HEPHL1: variants seen among roughly 807,000 people sequenced by gnomAD.
HEPHL1 encodes ferroxidase HEPHL1.
A neutral mutation model predicts 122.0 loss-of-function variants in HEPHL1; 123 were observed. That is an observed-to-expected ratio of 1.01 (90% CI 0.87 to 1.17). HEPHL1 has a LOEUF of 1.17. HEPHL1 is among the 50% of genes most tolerant of loss of function. The pLI is 0.00. For missense variants in HEPHL1, 1,452 were observed against 1,430.5 expected, an observed-to-expected ratio of 1.01 and a Z score of -0.24; for synonymous variants, 527 against 508.9, an observed-to-expected ratio of 1.04 and a Z score of -0.48.
Position 94,111,739 on chromosome 11 carries a change from C to T in HEPHL1, c.3325C>T (p.Pro1109Ser), listed in dbSNP as rs201535372. The change falls in exon 20 of 20, where the codon CCA (proline) becomes TCA (serine). Residue 1109 changes from proline to serine, a missense_variant. Transcript: ENST00000315765. ...CTATTTCTTTGGCAAGAATCTGGGT[C>T]CAACAGGAGCCAAGGCAGCCTTGGT... ...QLYFFGKNLG[P>S]TGAKAALVIL... 20 of 1,605,718 alleles carry T rather than the reference C, an allele frequency of 1.2e-5. No homozygotes were observed. Among genetic ancestry groups the T allele is most frequent in the South Asian group, 7.8e-5 (7 of 89,514 alleles).
chr11:94,061,879 A>G (rs1945987572), intron 2 of HEPHL1, among the ~76,000 whole-genome samples: 1 of 152,124 alleles, frequency 6.6e-6, no homozygotes, highest in Non-Finnish European at 1.5e-5. Context: ...TAGTACTAGC[A>G]AAAAGTTCCT....
intron 13 of HEPHL1, among the ~76,000 whole-genome samples, chr11:94,098,380 C>T (rs1368603372): frequency 6.6e-6 from 1 of 152,204 alleles, no homozygotes; most frequent in Non-Finnish European, 1.5e-5. Context: ...GCTGAGAGAT[C>T]CGCTGTTAGT....
At chr11:94,082,117 G>A (rs1043557966) in intron 9 of HEPHL1, among the ~76,000 whole-genome samples, 9 of 152,324 alleles carry the variant, frequency 5.9e-5, no homozygotes, top group Middle Eastern at 6.8e-3. Flanking sequence ...GCAGGTCAGG[G>A]TAAGGAGAAA....
chr11:94,104,751 G>A lies in HEPHL1; in HGVS notation c.2905+1G>A. On this transcript the variant is annotated splice_donor_variant, in intron 16 of 19. Transcript: ENST00000315765. LOFTEE classifies it high-confidence loss of function. Reference sequence around the variant, plus strand: ...TTTGAGGAAAGCAACAGAATGCATGGTATATCCAAAGTTTAAAAAGAAGCC... The same window carrying A: ...TTTGAGGAAAGCAACAGAATGCATGATATATCCAAAGTTTAAAAAGAAGCC... The A allele has an allele frequency of 1.2e-6, 2 of 1,606,144 alleles. No homozygotes were observed. Among genetic ancestry groups the A allele is most frequent in the Non-Finnish European group, 1.7e-6 (2 of 1,173,608 alleles).
At chr11:94,030,656 G>C (rs946200027) in intron 1 of HEPHL1, among the ~76,000 whole-genome samples, 2 of 152,180 alleles carry the variant, frequency 1.3e-5, no homozygotes, top group African/African-American at 4.8e-5. Context: ...CATCTGATTG[G>C]CTAGAATTAT....
chr11:94,029,403 A>G (rs913116976), intron 1 of HEPHL1, among the ~76,000 whole-genome samples: 2 of 152,180 alleles, frequency 1.3e-5, no homozygotes, highest in African/African-American at 4.8e-5. Context: ...CCAGAACACT[A>G]TGGCCCATCT....
intron 9 of HEPHL1, 37 bp downstream of exon 9, chr11:94,075,422 G>T (rs1326116804): frequency 6.8e-7 from 1 of 1,460,130 alleles, no homozygotes; most frequent in Admixed American, 2.0e-5. Context: ...TCTCAGGGTT[G>T]TATGTGGGAG....
At chr11:94,028,011 C>T (rs1341202382) in intron 1 of HEPHL1, among the ~76,000 whole-genome samples, 1 of 152,008 alleles carries the variant, frequency 6.6e-6, no homozygotes, top group Non-Finnish European at 1.5e-5. Context: ...TTCTCAAGCT[C>T]AAACAATATT....
chr11:94,099,821 G>T (rs780500594), intron 13 of HEPHL1, among the ~76,000 whole-genome samples: 1 of 152,228 alleles, frequency 6.6e-6, no homozygotes, highest in Non-Finnish European at 1.5e-5. Context: ...CCAGGCACCG[G>T]CTATAATCTC....
chr11:94,037,002 G>C (rs1386711349), intron 1 of HEPHL1, among the ~76,000 whole-genome samples: 3 of 152,218 alleles, frequency 2.0e-5, no homozygotes, highest in African/African-American at 7.2e-5. Flanking sequence ...GCGCAGGCCA[G>C]TGGGTGCGCG....
At chr11:94,029,572 C>T (rs929301235) in intron 1 of HEPHL1, among the ~76,000 whole-genome samples, 7 of 152,198 alleles carry the variant, frequency 4.6e-5, no homozygotes, top group African/African-American at 1.7e-4. Context: ...GATTCCATTG[C>T]CCTGAAGTGG....
Position 94,075,155 on chromosome 11 carries a change from G to T in HEPHL1, c.1505-19G>T. 1.9e-6 allele frequency: 3 copies of T among 1,603,654 alleles called. No individual in the cohort carries two copies. Among genetic ancestry groups the T allele is most frequent in the South Asian group, 2.2e-5 (2 of 89,690 alleles). ...TTCTTGCCTGTTGTTTTGAATAATTGTTTTGTTTATATCCTCAGGATTTGT... is the reference window on the plus strand; with the variant it reads ...TTCTTGCCTGTTGTTTTGAATAATTTTTTTGTTTATATCCTCAGGATTTGT... On this transcript the variant is annotated intron_variant, in intron 8 of 19. Coordinates refer to ENST00000315765, the MANE Select transcript of HEPHL1 (RefSeq NM_001098672.2).
intron 12 of HEPHL1, among the ~76,000 whole-genome samples, chr11:94,093,238 T>C (rs897010392): frequency 1.3e-5 from 2 of 152,000 alleles, no homozygotes; most frequent in African/African-American, 4.8e-5. Context: ...ACTCAGTGCT[T>C]AGCAGAAGAT....
intron 1 of HEPHL1, among the ~76,000 whole-genome samples, chr11:94,043,944 CTG>C (rs896562070): frequency 4.6e-5 from 7 of 151,856 alleles, no homozygotes; most frequent in African/African-American, 1.7e-4. Context: ...TGTTGGATAA[CTG>C]AGAGAGAATA....
chr11:94,042,879 A>AAAAAAAAAACAAAAAAC (rs1565347119), intron 1 of HEPHL1, among the ~76,000 whole-genome samples: 1 of 35,950 alleles, frequency 2.8e-5, no homozygotes, highest in African/African-American at 1.1e-4. Flanking sequence ...GTATAATAAA[A>AAAAAAAAAACAAAAAAC]AAAAAAAAAA....
chr11:94,098,978 G>A (rs1277207625), intron 13 of HEPHL1, among the ~76,000 whole-genome samples: 2 of 152,172 alleles, frequency 1.3e-5, no homozygotes, highest in African/African-American at 4.8e-5. Flanking sequence ...TTAGCTTGGA[G>A]AAGTCTGATC....
At chr11:94,043,722 G>A (rs1023921338) in intron 1 of HEPHL1, among the ~76,000 whole-genome samples, 2 of 151,548 alleles carry the variant, frequency 1.3e-5, no homozygotes, top group African/African-American at 4.9e-5. Context: ...TTTTTCTTGA[G>A]TAACTCTTCA....
At chr11:94,092,401 G>T (rs564563244) in intron 12 of HEPHL1, among the ~76,000 whole-genome samples, 2 of 152,270 alleles carry the variant, frequency 1.3e-5, no homozygotes, top group South Asian at 4.1e-4. Flanking sequence ...GTCATTTGCA[G>T]GTACATGTAG....
At chr11:94,053,071 G>GA (rs1419561177) in intron 2 of HEPHL1, among the ~76,000 whole-genome samples, 2 of 151,922 alleles carry the variant, frequency 1.3e-5, no homozygotes, top group Non-Finnish European at 2.9e-5. Context: ...GTATTTGTTA[G>GA]AATTTTTATA....
Sources: gnomAD v4.1 joint callset for allele counts (sites outside exome capture counted in the v4.1 genomes callset) on GRCh38, gnomAD v4.1.1 for gene constraint, MANE v1.5 for transcripts, NCBI Gene and HGNC (gene_info 2026-07-23, HGNC 2026-07-21) for gene names.